Variants in REG3A observed in about 807,000 individuals in gnomAD.
The protein encoded by REG3A is regenerating islet-derived protein 3-alpha.
Under a neutral mutation model 20.5 loss-of-function variants are expected in REG3A, and 15 were observed. That is an observed-to-expected ratio of 0.73 (90% CI 0.49 to 1.12). REG3A has a LOEUF of 1.12. Ranked by LOEUF, REG3A falls within the 50% of genes most tolerant of loss-of-function variation. REG3A has a pLI of 0.00. For synonymous variants in REG3A, 93 were observed against 83.2 expected, an observed-to-expected ratio of 1.12 and a Z score of -0.64; for missense variants, 224 against 213.1, an observed-to-expected ratio of 1.05 and a Z score of -0.32.
chr2:79,158,856 T>A, intron 2 of REG3A, 87 bp from the exon 3 acceptor site: 1 of 1,037,766 alleles, frequency 9.6e-7, no homozygotes, highest in Non-Finnish European at 1.4e-6. Context: ...GGAATGTCCT[T>A]GGGGAGGAAG....
At chr2:79,158,895 C>G (rs1486334858) in intron 2 of REG3A, 126 bp from the exon 3 acceptor site, 1 of 696,290 alleles carries the variant, frequency 1.4e-6, no homozygotes, top group African/African-American at 1.8e-5. Flanking sequence ...CTTCATCTTC[C>G]CTTATGTTTT....
chr2:79,158,105 C>T (rs188662804), intron 4 of REG3A, among the ~76,000 whole-genome samples: 24 of 152,258 alleles, frequency 1.6e-4, no homozygotes, highest in Non-Finnish European at 2.4e-4. Context: ...TTATGTAATA[C>T]GCCTGAGGAA....
chr2:79,158,414 C>A lies in REG3A; in HGVS notation c.245G>T (p.Gly82Val), dbSNP rs190335034. ...GGAGGACACGAAGGATCCCTCAGCC[C>A]CACTGAGCACAGACACCAGGTTTCC... Reference protein sequence around the residue: ...PSGNLVSVLSGAEGSFVSSLV... With the variant: ...PSGNLVSVLSVAEGSFVSSLV... Residue 82 changes from glycine to valine, a missense_variant, in exon 4 of 6, where the codon GGG (glycine) becomes GTG (valine). Gly to Val is a moderately radical substitution (Grantham distance 109). Coordinates refer to ENST00000305165, the MANE Select transcript of REG3A (RefSeq NM_002580.3). 14 of 1,614,060 alleles carry A rather than the reference C, an allele frequency of 8.7e-6. No homozygotes were observed. Among genetic ancestry groups the A allele is most frequent in the Non-Finnish European group, 1.2e-5 (14 of 1,180,032 alleles).
At chr2:79,159,483 T>C (rs1673399507) in intron 1 of REG3A, 44 bp from the exon 2 acceptor site, 4 of 1,405,868 alleles carry the variant, frequency 2.8e-6, no homozygotes, top group Non-Finnish European at 4.0e-6. Flanking sequence ...GATACCCCAC[T>C]GCCTCATGTC....
At position 79,157,603 on chromosome 2, in the gene REG3A, G is replaced by A. The variant is rs755346076; in HGVS notation, c.429C>T (p.Pro143=). 93 of 1,614,158 alleles carry A rather than the reference G, an allele frequency of 5.8e-5. 1 individual carries two copies. In the Admixed American group the frequency reaches 6.7e-4, roughly 12 times the overall value. The change falls in exon 5 of 6, where the codon CCC becomes CCT. Residue 143 remains proline, a synonymous_variant. Transcript: ENST00000305165. ...TTCTCGACAGGCTCGCACAGTGGCC[G>A]GGGCTTGAGATGGTGGAGGGATTTC... ...WERNPSTISS[P]GHCASLSRST...
chr2:79,158,347 A>C lies in REG3A; in HGVS notation c.312T>G (p.Ile104Met), dbSNP rs754646366. Residue 104 changes from isoleucine to methionine, a missense_variant, in exon 4 of 6, where the codon ATT (isoleucine) becomes ATG (methionine). Ile to Met is a conservative substitution (Grantham distance 10, BLOSUM62 1). Transcript: ENST00000305165. Reference protein sequence around the residue: ...SIGNSYSYVWIGLHDPTQGTE... With the variant: ...SIGNSYSYVWMGLHDPTQGTE... ...GCACCTGTGTGGGGTCATGGAGCCC[A>C]ATCCAGACGTATGAGTAGCTGTTAC... The C allele has an allele frequency of 3.7e-6, 6 of 1,614,106 alleles. No homozygotes were observed. The highest frequency in any genetic ancestry group is 4.2e-6 in the Non-Finnish European group (5 of 1,179,976).
chr2:79,159,447 A>G lies in REG3A; in HGVS notation c.-34-8T>C. 2.5e-6 allele frequency: 4 copies of G among 1,601,532 alleles called. No individual in the cohort carries two copies. Among genetic ancestry groups the G allele is most frequent in the Non-Finnish European group, 3.4e-6 (4 of 1,168,888 alleles). ...GGAGGCAATCAGGAGTCACTAAAGA[A>G]AGCGTGGTCAGTGGGAGAACACACA... On this transcript the variant is annotated splice_region_variant and splice_polypyrimidine_tract_variant and intron_variant, in intron 1 of 5. Coordinates refer to ENST00000305165, the MANE Select transcript of REG3A (RefSeq NM_002580.3).
chr2:79,159,507 A>C (rs1673400072), intron 1 of REG3A, 68 bp from the exon 2 acceptor site: 3 of 1,153,072 alleles, frequency 2.6e-6, no homozygotes, highest in Admixed American at 3.8e-5. Flanking sequence ...TTCCTTCTCT[A>C]GTCCCCTAGG....
chr2:79,159,643 T>C, intron 1 of REG3A, 85 bp downstream of exon 1: 2 of 522,910 alleles, frequency 3.8e-6, no homozygotes, highest in Non-Finnish European at 6.9e-6. Flanking sequence ...CTGTGCTCCC[T>C]GAGGAAGGGA....
At chr2:79,157,449 G>A (rs1445708572) in intron 5 of REG3A, 123 bp downstream of exon 5, 4 of 1,469,286 alleles carry the variant, frequency 2.7e-6, no homozygotes, top group Non-Finnish European at 3.8e-6. Context: ...GGAGAAGAGA[G>A]GAGATAAGAG....
Position 79,158,471 on chromosome 2 carries a change from G to A in REG3A, c.196-8C>T, listed in dbSNP as rs1673367227. 5.0e-6 allele frequency: 8 copies of A among 1,613,940 alleles called. No homozygotes were observed. The highest frequency in any genetic ancestry group is 3.3e-4 in the Middle Eastern group (2 of 6,058). ...CCGCTTCTGGCAGGCCAGCTTTGAG[G>A]GCAACAAAGAGAATGAGAGGGAGCC... On this transcript the variant is annotated splice_polypyrimidine_tract_variant and splice_region_variant and intron_variant, in intron 3 of 5. Coordinates refer to ENST00000305165, the MANE Select transcript of REG3A (RefSeq NM_002580.3).
intron 4 of REG3A, 78 bp from the exon 5 acceptor site, chr2:79,157,776 C>T (rs1673349084): frequency 3.9e-6 from 6 of 1,534,604 alleles, no homozygotes; most frequent in Admixed American, 2.0e-5. Flanking sequence ...GCTGCAACAC[C>T]TGATTTGCTC....
chr2:79,159,204 G>A, intron 2 of REG3A, 126 bp downstream of exon 2: 1 of 958,378 alleles, frequency 1.0e-6, no homozygotes, highest in Non-Finnish European at 1.6e-6. Context: ...GAGAGATGAT[G>A]CAAGAACTGC....
intron 2 of REG3A, 44 bp from the exon 3 acceptor site, chr2:79,158,813 C>A (rs749713335): frequency 6.8e-7 from 1 of 1,478,602 alleles, no homozygotes; most frequent in Non-Finnish European, 9.4e-7. Context: ...AAGAGTGGGG[C>A]TTGGGGTGGG....
rs371806510 is a variant in REG3A at position 79,157,209 on chromosome 2, C to A, written c.*17G>T. The stretch of plus-strand genomic sequence containing the variant: ...TGAGTTGCACACCAAACACAGGCTG[C>A]TGACTTCCCTCCTGCACTAGTCAGT... On this transcript the variant is annotated 3_prime_UTR_variant, in exon 6 of 6. Transcript: ENST00000305165. 12 of 1,608,554 alleles carry A rather than the reference C, an allele frequency of 7.5e-6. No individual in the cohort carries two copies. The highest frequency in any genetic ancestry group is 8.5e-6 in the Non-Finnish European group (10 of 1,175,022).
chr2:79,157,702 T>C lies in REG3A; in HGVS notation c.334-4A>G, dbSNP rs542417204. ...CTTCTCCATTGGGCTCGGTGCCCTG[T>C]AGAGTAGAGGAGGTAGCCAGGTGAA... On this transcript the variant is annotated splice_polypyrimidine_tract_variant and splice_region_variant and intron_variant, in intron 4 of 5. Coordinates refer to ENST00000305165, the MANE Select transcript of REG3A (RefSeq NM_002580.3). 6.2e-7 allele frequency: 1 copy of C among 1,613,574 alleles called. No individual in the cohort carries two copies. The highest frequency in any genetic ancestry group is 2.2e-5 in the East Asian group (1 of 44,850).
At position 79,159,033 on chromosome 2, in the gene REG3A, T is replaced by A. The variant is rs150144136; in HGVS notation, c.77-264A>T. The A allele has an allele frequency of 8.7e-6, 5 of 577,588 alleles. No homozygotes were observed. In the Admixed American group the frequency reaches 9.0e-5, roughly 10 times the overall value. 35.8% of individuals were successfully genotyped at this position (577,588 alleles called of 1,614,324 possible). On this transcript the variant is annotated intron_variant, in intron 2 of 5. Coordinates refer to ENST00000305165, the MANE Select transcript of REG3A (RefSeq NM_002580.3). The stretch of plus-strand genomic sequence containing the variant: ...GCTGTCTCTACATTGGGTCCTCCAA[T>A]CATTGTCCCTCCCCACATCTCATTA...
chr2:79,159,528 T>A (rs1673400643), intron 1 of REG3A, 89 bp from the exon 2 acceptor site: 2 of 899,756 alleles, frequency 2.2e-6, no homozygotes, highest in Admixed American at 2.1e-5. Flanking sequence ...ACTAAAGTGA[T>A]CTTGGTCACA....
At chr2:79,157,483 C>G (rs1673340396) in intron 5 of REG3A, 89 bp downstream of exon 5, 1 of 1,557,710 alleles carries the variant, frequency 6.4e-7, no homozygotes, top group South Asian at 1.2e-5. Flanking sequence ...ATTGTATTTT[C>G]TAGCTCAGGA....
Sources: gnomAD v4.1 joint callset for allele counts (sites outside exome capture counted in the v4.1 genomes callset) on GRCh38, gnomAD v4.1.1 for gene constraint, MANE v1.5 for transcripts, NCBI Gene and HGNC (gene_info 2026-07-23, HGNC 2026-07-21) for gene names.